Variants in ATP13A1 observed in about 807,000 individuals in gnomAD.
ATP13A1 encodes the protein ATPase 13A1.
ATP13A1 carries 55 observed loss-of-function variants against 134.8 expected under a neutral mutation model. The observed-to-expected ratio is 0.41, with a 90% CI of 0.33 to 0.51. The LOEUF (loss-of-function observed/expected upper bound fraction) is 0.51. ATP13A1 is among the 20% of genes least tolerant of loss of function. ATP13A1 has a pLI of 0.29. For synonymous variants in ATP13A1, 775 were observed against 725.1 expected (o/e 1.07, Z -1.10); for missense variants, 1,389 against 1,652.8 (o/e 0.84, Z 2.77).
At position 19,655,298 on chromosome 19, in the gene ATP13A1, C is replaced by A. The variant is rs565165936; in HGVS notation, c.1534+18G>T. ...GGCCCCAGCCCACTCGGCACCCCAT[C>A]CCATTTGACACACTCACAGAGCTTG... On this transcript the variant is annotated intron_variant, in intron 11 of 25. Transcript: ENST00000357324. The surrounding 1 kb of genome is among the most constrained non-coding windows in gnomAD (Gnocchi z 5.7). 938 of 1,613,960 alleles carry A rather than the reference C, an allele frequency of 5.8e-4. 9 individuals carry two copies. In the South Asian group the frequency reaches 9.5e-3, roughly 16 times the overall value.
rs765234563 is a variant in ATP13A1 at position 19,663,638 on chromosome 19, G to T, written c.29C>A (p.Ala10Glu). The T allele has an allele frequency of 1.5e-6, 2 of 1,307,632 alleles. No individual in the cohort carries two copies. Among genetic ancestry groups the T allele is most frequent in the Non-Finnish European group, 1.9e-6 (2 of 1,030,540 alleles). 81.0% of individuals were successfully genotyped at this position (1,307,632 alleles called of 1,614,324 possible). A position where few individuals can be genotyped will look rare whatever the true frequency, so the allele number is the denominator to read the frequency against. Residue 10 changes from alanine (A) to glutamate (E), a missense_variant, in exon 1 of 26, where the codon GCG becomes GAG. This residue lies in a region of ATP13A1 where 293 missense variants were observed against 270.8 expected (regional missense o/e 1.08). Transcript: ENST00000357324. ...GCAAGGCCGGGCCCCGCAGGGCACC[G>T]CGTTGCCCACCGCCGCCGCTGCCGC... MAAAAAVGN[A>E]VPCGARPCGV...
At position 19,647,399 on chromosome 19, in the gene ATP13A1, G is replaced by T; in HGVS notation, c.2908+15C>A. ...GGGGGAATGAAGGGAGGGGGAGCGG[G>T]GGCAGGCAACTCACTGCACTGGATG... On this transcript the variant is annotated intron_variant, in intron 21 of 25. Transcript: ENST00000357324. This position sits in a 1 kb window ranked among gnomAD's most constrained non-coding sequence, Gnocchi z 4.8. 6.2e-7 allele frequency: 1 copy of T among 1,609,958 alleles called. No individual in the cohort carries two copies. The highest frequency in any genetic ancestry group is 1.1e-5 in the South Asian group (1 of 90,628).
At chr19:19,662,345 A>G in intron 1 of ATP13A1, 1 of 985,408 alleles carries the variant, frequency 1.0e-6, no homozygotes, top group Non-Finnish European at 1.2e-6. Flanking sequence ...GATTCTACCC[A>G]CATTCAGAGC....
Position 19,647,718 on chromosome 19 carries a change from GCTC to G in ATP13A1, c.2671_2673del (p.Glu891del). On this transcript the variant is annotated inframe_deletion, in exon 20 of 26. Coordinates refer to ENST00000357324, the MANE Select transcript of ATP13A1 (RefSeq NM_020410.3). This position sits in a 1 kb window ranked among gnomAD's most constrained non-coding sequence, Gnocchi z 4.8. ...GGGCTGTCCCGGGGCCGCCGTCGCC[GCTC>G]GACAACCCGCTCAGGGGCATTGGCC... The G allele has an allele frequency of 6.2e-7, 1 of 1,607,510 alleles. No homozygotes were observed. Among genetic ancestry groups the G allele is most frequent in the South Asian group, 1.1e-5 (1 of 90,594 alleles).
chr19:19,656,871 C>T lies in ATP13A1; in HGVS notation c.952G>A (p.Val318Ile), dbSNP rs531392926. The T allele has an allele frequency of 9.6e-5, 155 of 1,612,554 alleles. No homozygotes were observed. The highest frequency in any genetic ancestry group is 1.3e-4 in the East Asian group (6 of 44,834). The change falls in exon 6 of 26, where the codon GTA (valine) becomes ATA (isoleucine). Residue 318 changes from valine (V) to isoleucine (I), a missense_variant. Transcript: ENST00000357324. This position sits in a 1 kb window ranked among gnomAD's most constrained non-coding sequence, Gnocchi z 4.6. ...CCGATGGAGACGATGTCCCCTGGTA[C>T]GATCTCATCACTGGCAATGGGCCTC... ...KWRPIASDEI[V>I]PGDIVSIGRS...
In ATP13A1 at chr19:19,647,989, C is replaced by T. The variant is rs2061997669; in HGVS notation, c.2633-230G>A. Among the ~76,000 whole-genome samples, 1 of 152,116 alleles carries T rather than the reference C, an allele frequency of 6.6e-6. No homozygotes were observed. Among genetic ancestry groups the T allele is most frequent in the African/African-American group, 2.4e-5 (1 of 41,424 alleles). ...CAACAATAAACCCCCACAACAAATG[C>T]AATGAAAAAACACACAACACGAGAT... On this transcript the variant is annotated intron_variant, in intron 19 of 25. Coordinates refer to ENST00000357324, the MANE Select transcript of ATP13A1 (RefSeq NM_020410.3). This position sits in a 1 kb window ranked among gnomAD's most constrained non-coding sequence, Gnocchi z 4.8.
intron 1 of ATP13A1, among the ~76,000 whole-genome samples, chr19:19,662,545 C>G (rs1273342246): frequency 3.3e-5 from 5 of 152,106 alleles, no homozygotes; most frequent in African/African-American, 1.2e-4. Flanking sequence ...GCTTCAGGCC[C>G]AGGGAAGCTC....
intron 16 of ATP13A1, 38 bp from the exon 17 acceptor site, chr19:19,651,835 T>C: frequency 6.6e-7 from 1 of 1,514,572 alleles, no homozygotes; most frequent in Non-Finnish European, 9.1e-7. Flanking sequence ...CATGGCACCC[T>C]GGGGCCAAGC....
rs771497191 is a variant in ATP13A1, at chr19:19,655,087, G to T, written c.1655+32C>A. ...TCGACTTCCCAGAAACCCCATCTGG[G>T]TGACCTTTGCTGCAGGGCCCCTGAT... On this transcript the variant is annotated intron_variant, in intron 12 of 25. Transcript: ENST00000357324. The surrounding 1 kb of genome is among the most constrained non-coding windows in gnomAD (Gnocchi z 5.7). The T allele has an allele frequency of 2.7e-5, 44 of 1,611,906 alleles. No homozygotes were observed. The highest frequency in any genetic ancestry group is 3.4e-4 in the Middle Eastern group (2 of 5,932).
intron 1 of ATP13A1, chr19:19,662,365 T>TG (rs756621964): frequency 3.0e-4 from 295 of 985,278 alleles, no homozygotes; most frequent in Admixed American, 4.3e-4. Context: ...CCAGCCAGGG[T>TG]GGGGGGCTTC....
rs938877151 is a variant in ATP13A1, at chr19:19,659,813, C to T, written c.487-22G>A. 1.9e-6 allele frequency: 3 copies of T among 1,609,982 alleles called. No individual in the cohort carries two copies. The Admixed American group carries it at 5.0e-5, about 27-fold the overall frequency. ...CGCCCTGCGGTAGAAGGTGTGTTTG[C>T]CACAGAGGCCCCTGACCTTGGGGTG... On this transcript the variant is annotated intron_variant, in intron 2 of 25. Transcript: ENST00000357324.
Position 19,645,306 on chromosome 19 carries a change from G to T in ATP13A1, c.*116C>A. On this transcript the variant is annotated 3_prime_UTR_variant, in exon 26 of 26. Transcript: ENST00000357324. The surrounding 1 kb of genome is among the most constrained non-coding windows in gnomAD (Gnocchi z 4.1). ...GGGGGTCCCAGCTCAGTCTTCCAAGGGCGAGACTGTACAGCCTTGCTGTGG... is the reference window on the plus strand; with the variant it reads ...GGGGGTCCCAGCTCAGTCTTCCAAGTGCGAGACTGTACAGCCTTGCTGTGG... 8.3e-7 allele frequency: 1 copy of T among 1,198,386 alleles called. No homozygotes were observed. Among genetic ancestry groups the T allele is most frequent in the Non-Finnish European group, 1.2e-6 (1 of 847,132 alleles). The allele number at this position is 1,198,386 out of a possible 1,614,324, so 74.2% of individuals were successfully genotyped here.
Position 19,647,858 on chromosome 19 carries a change from C to T in ATP13A1, c.2633-99G>A, listed in dbSNP as rs2061996545. On this transcript the variant is annotated intron_variant, in intron 19 of 25. Coordinates refer to ENST00000357324, the MANE Select transcript of ATP13A1 (RefSeq NM_020410.3). The surrounding 1 kb of genome is among the most constrained non-coding windows in gnomAD (Gnocchi z 4.8). ...TGGTCCTGAAGTCCCCCAGCTGGCT[C>T]CCGTGAGGACAGTTCCCAGACTTCC... The T allele has an allele frequency of 4.9e-6, 7 of 1,415,280 alleles. No homozygotes were observed. The highest frequency in any genetic ancestry group is 1.4e-5 in the African/African-American group (1 of 70,208). The allele number at this position is 1,415,280 out of a possible 1,614,324, so 87.7% of individuals were successfully genotyped here.
Position 19,655,922 on chromosome 19 carries a change from C to G in ATP13A1, c.1225G>C (p.Gly409Arg), listed in dbSNP as rs780148950. 7 of 1,600,610 alleles carry G rather than the reference C, an allele frequency of 4.4e-6. No individual in the cohort carries two copies. The highest frequency in any genetic ancestry group is 5.1e-6 in the Non-Finnish European group (6 of 1,177,620). Residue 409 changes from glycine to arginine, a missense_variant, in exon 9 of 26, where the codon GGG becomes CGG. Coordinates refer to ENST00000357324, the MANE Select transcript of ATP13A1 (RefSeq NM_020410.3). The surrounding 1 kb of genome is among the most constrained non-coding windows in gnomAD (Gnocchi z 5.7). ...GTCCGCAGGACGTAGGCCACGCACC[C>G]GCTGTCAACCGCTGGGGAGAGAAGC... is the stretch of plus-strand genomic sequence containing the variant. ...ATTGLKPVDS[G>R]CVAYVLRTGF...
chr19:19,654,477 C>A, intron 13 of ATP13A1, 66 bp downstream of exon 13: 1 of 1,517,692 alleles, frequency 6.6e-7, no homozygotes, highest in South Asian at 1.3e-5. Flanking sequence ...GGGGTGCAGC[C>A]CACCTGCCTA....
In ATP13A1 at chr19:19,659,716, G is replaced by T. The variant is rs776981769; in HGVS notation, c.562C>A (p.Gln188Lys). 6 of 1,614,018 alleles carry T rather than the reference G, an allele frequency of 3.7e-6. No individual in the cohort carries two copies. The highest frequency in any genetic ancestry group is 5.1e-6 in the Non-Finnish European group (6 of 1,179,890). Residue 188 changes from glutamine (Q) to lysine (K), a missense_variant, in exon 3 of 26, where the codon CAG becomes AAG. By Grantham distance (53) the Gln-to-Lys change is moderately conservative. This residue lies in a region of ATP13A1 where 293 missense variants were observed against 270.8 expected (regional missense o/e 1.08). Transcript: ENST00000357324. ...ACAGGAAAGGCCACGGGGAGAAACT[G>T]CTTCTTCTCCAGGGCATCGTAGGAA... ...KYSYDALEKK[Q>K]FLPVAFPVGN...
In ATP13A1 at chr19:19,655,657, G is replaced by T; in HGVS notation, c.1270-3C>A. ...AGGATGGTGCGCAGCAGCTTGCCCT[G>T]GAGGAATGGAGGAACAGCCTTTCTG... On this transcript the variant is annotated splice_region_variant and splice_polypyrimidine_tract_variant and intron_variant, in intron 9 of 25. Transcript: ENST00000357324. This position sits in a 1 kb window ranked among gnomAD's most constrained non-coding sequence, Gnocchi z 5.7. 2 of 1,611,628 alleles carry T rather than the reference G, an allele frequency of 1.2e-6. No homozygotes were observed. Among genetic ancestry groups the T allele is most frequent in the Non-Finnish European group, 1.7e-6 (2 of 1,178,942 alleles).
intron 17 of ATP13A1, 154 bp downstream of exon 17, chr19:19,651,535 G>A (rs867168802): frequency 9.0e-6 from 5 of 553,290 alleles, no homozygotes; most frequent in African/African-American, 1.9e-5. Flanking sequence ...CATGCTGTCC[G>A]AGGTGCCCAG....
At chr19:19,652,832 T>TC in intron 15 of ATP13A1, 112 bp from the exon 16 acceptor site, 1 of 1,389,382 alleles carries the variant, frequency 7.2e-7, no homozygotes. Context: ...AAGGCCCTGT[T>TC]CCCGTAGTGG....
Sources: allele counts gnomAD v4.1 joint callset (sites outside exome capture counted in the v4.1 genomes callset), GRCh38; gene constraint gnomAD v4.1.1; regional missense constraint gnomAD v4.1.1; non-coding constraint Gnocchi (gnomAD v3.1); transcripts MANE v1.5; gene names NCBI Gene and HGNC (gene_info 2026-07-23, HGNC 2026-07-21).